EVC2: variants seen among roughly 807,000 people sequenced by gnomAD.
EVC2 encodes EvC ciliary complex subunit 2.
EVC2 carries 148 observed loss-of-function variants against 149.3 expected under a neutral mutation model. The observed-to-expected ratio is 0.99, with a 90% CI of 0.87 to 1.14. The LOEUF is 1.14. EVC2 is among the 50% of genes most tolerant of loss of function. The probability of loss-of-function intolerance (pLI) is 0.00; values close to 1 mark genes in which losing one functional copy is unlikely to be tolerated. For missense variants in EVC2, 1,854 were observed against 1,627.3 expected, an observed-to-expected ratio of 1.14 and a Z score of -2.40; for synonymous variants, 776 against 649.9, an observed-to-expected ratio of 1.19 and a Z score of -2.95.
At chr4:5,653,063 G>T (rs1175594258) in intron 9 of EVC2, among the ~76,000 whole-genome samples, 1 of 152,174 alleles carries the variant, frequency 6.6e-6, no homozygotes, top group Non-Finnish European at 1.5e-5. Context: ...GTGTTCCTTA[G>T]CTTGCAGCTG....
At chr4:5,647,358 T>C (rs1230351888) in intron 9 of EVC2, among the ~76,000 whole-genome samples, 3 of 152,222 alleles carry the variant, frequency 2.0e-5, no homozygotes, top group African/African-American at 7.2e-5. Context: ...TAGGTTTTGA[T>C]CAACTGCGGT....
In EVC2 at chr4:5,708,266, T is replaced by G. The variant is rs1357827173; in HGVS notation, c.228+20A>C. The G allele has an allele frequency of 6.8e-7, 1 of 1,473,130 alleles. No homozygotes were observed. Among genetic ancestry groups the G allele is most frequent in the Admixed American group, 2.4e-5 (1 of 41,824 alleles). 91.3% of individuals were successfully genotyped at this position (1,473,130 alleles called of 1,614,324 possible). A position where few individuals can be genotyped will look rare whatever the true frequency, so the allele number is the denominator to read the frequency against. On this transcript the variant is annotated intron_variant, in intron 1 of 21. Transcript: ENST00000344408. ...AAACCACTACAGTCAGACCGGAGCCTGGGGTCGGGCCCTCCTTACCTGCGT... is the reference window on the plus strand; with the variant it reads ...AAACCACTACAGTCAGACCGGAGCCGGGGGTCGGGCCCTCCTTACCTGCGT...
At chr4:5,562,070 C>G (rs78388272), downstream of EVC2, among the ~76,000 whole-genome samples, 512 of 152,166 alleles carry the variant, frequency 3.4e-3, 6 homozygotes, top group African/African-American at 0.012. This position sits in a 1 kb window ranked among gnomAD's most constrained non-coding sequence, Gnocchi z 4.3. Context: ...AAAACACAAG[C>G]ACTTGTATGG....
chr4:5,629,024 C>T (rs1716337551), intron 11 of EVC2, among the ~76,000 whole-genome samples: 1 of 152,146 alleles, frequency 6.6e-6, no homozygotes. Context: ...GCCATTTATC[C>T]TTCATCCATG....
chr4:5,643,448 G>A (rs572237701), intron 9 of EVC2, among the ~76,000 whole-genome samples: 6 of 152,118 alleles, frequency 3.9e-5, no homozygotes, highest in African/African-American at 1.2e-4. Flanking sequence ...ACCTCTAACC[G>A]CATCTTTGGG....
rs148520449 is a variant in EVC2 at position 5,685,593 on chromosome 4, C to T, written c.707-114G>A. 3.1e-4 allele frequency: 252 copies of T among 821,050 alleles called. 1 individual carries two copies. The East Asian group carries it at 4.1e-3, about 13-fold the overall frequency. The allele number at this position is 821,050 out of a possible 1,614,324, so 50.9% of individuals were successfully genotyped here. ...TGGCTTCAGTGGTTCCAAGGGAGGC[C>T]ACCATGGCAGTGATGCCTGCAGCAA... is the stretch of plus-strand genomic sequence containing the variant. On this transcript the variant is annotated intron_variant, in intron 5 of 21. Coordinates refer to ENST00000344408, the MANE Select transcript of EVC2 (RefSeq NM_147127.5).
intron 16 of EVC2, among the ~76,000 whole-genome samples, chr4:5,601,602 A>C (rs147011759): frequency 1.1e-3 from 173 of 152,246 alleles, no homozygotes; most frequent in African/African-American, 3.9e-3. Context: ...TAGGAGATGT[A>C]ATCATTAATA....
Position 5,567,861 on chromosome 4 carries a change from A to C in EVC2, c.3557+583T>G, listed in dbSNP as rs1217220749. ...ACATTGAAAGAATAAAATTTAAATGAATAACACTAGCAGGAAATAGAATCT... is the reference window on the plus strand; with the variant it reads ...ACATTGAAAGAATAAAATTTAAATGCATAACACTAGCAGGAAATAGAATCT... On this transcript the variant is annotated intron_variant, in intron 20 of 21. Transcript: ENST00000344408. The surrounding 1 kb of genome is among the most constrained non-coding windows in gnomAD (Gnocchi z 4.4). 6.6e-6 allele frequency among the ~76,000 whole-genome samples: 1 copy of C among 152,212 alleles called. No individual in the cohort carries two copies. The highest frequency in any genetic ancestry group is 1.5e-5 in the Non-Finnish European group (1 of 68,042).
chr4:5,664,891 T>C (rs1260468674), intron 8 of EVC2, among the ~76,000 whole-genome samples: 1 of 151,222 alleles, frequency 6.6e-6, no homozygotes, highest in Non-Finnish European at 1.5e-5. Flanking sequence ...GTGTGGGTGA[T>C]GGGGTACGTG....
In EVC2 at chr4:5,548,079, G is replaced by A. The variant is rs78578564; in HGVS notation, c.3420-4867C>T. 1.3e-4 allele frequency among the ~76,000 whole-genome samples: 20 copies of A among 152,196 alleles called. No individual in the cohort carries two copies. In the East Asian group the frequency reaches 3.7e-3, roughly 28 times the overall value. The stretch of plus-strand genomic sequence containing the variant: ...ATTGCAGCAGCTGGTGTGCCTGACT[G>A]TGCACGGTGGCTGGACCCCTCGCTG... On this transcript the variant is annotated intron_variant and NMD_transcript_variant, in intron 21 of 22. Coordinates refer to the EVC2 transcript ENST00000475313.
intron 7 of EVC2, among the ~76,000 whole-genome samples, chr4:5,674,977 C>T (rs1004998963): frequency 6.6e-6 from 1 of 152,146 alleles, no homozygotes; most frequent in Non-Finnish European, 1.5e-5. Context: ...GTACAAGCCC[C>T]CAGGCATACA....
At chr4:5,630,107 T>C (rs1716420637) in intron 11 of EVC2, among the ~76,000 whole-genome samples, 1 of 152,230 alleles carries the variant, frequency 6.6e-6, no homozygotes, top group Admixed American at 6.5e-5. Flanking sequence ...TGACAGAATT[T>C]GTGCTTTATG....
chr4:5,622,981 T>G lies in EVC2; in HGVS notation c.2057A>C (p.Gln686Pro). 2.5e-6 allele frequency: 4 copies of G among 1,614,030 alleles called. No individual in the cohort carries two copies. Among genetic ancestry groups the G allele is most frequent in the Non-Finnish European group, 3.4e-6 (4 of 1,179,986 alleles). ...GCCGACGGACGCCTGCTCCCTACGC[T>G]GCTCCCTGTGCTGGAGTTTCAGAAA... Reference protein sequence around the residue: ...RRELLQKHREQRREQASVGEA... With the variant: ...RRELLQKHREPRREQASVGEA... The change falls in exon 14 of 22, where the codon CAG (glutamine) becomes CCG (proline). Residue 686 changes from glutamine (Q) to proline (P), a missense_variant. Coordinates refer to ENST00000344408, the MANE Select transcript of EVC2 (RefSeq NM_147127.5). The surrounding 1 kb of genome is among the most constrained non-coding windows in gnomAD (Gnocchi z 5.8).
intron 9 of EVC2, among the ~76,000 whole-genome samples, chr4:5,653,700 A>T (rs1718302314): frequency 6.6e-6 from 1 of 152,230 alleles, no homozygotes; most frequent in Admixed American, 6.5e-5. Context: ...CTAATATAAG[A>T]CATGAGTACT....
rs758545762 is a variant in EVC2 at position 5,685,470 on chromosome 4, G to A, written c.716C>T (p.Ala239Val). 7 of 1,614,026 alleles carry A rather than the reference G, an allele frequency of 4.3e-6. No homozygotes were observed. The highest frequency in any genetic ancestry group is 5.9e-6 in the Non-Finnish European group (7 of 1,180,026). ...CGTGGCTGCGTAGCTGACAGCAAAG[G>A]CATCTCCCACTGCGCAGAGAAAAGC... ...FSKKFLQVGD[A>V]FAVSYAATLQ... Residue 239 changes from alanine (A) to valine (V), a missense_variant, in exon 6 of 22, where the codon GCC (alanine) becomes GTC (valine). Physicochemically the swap from Ala to Val is moderately conservative, Grantham distance 64 (BLOSUM62 0). Transcript: ENST00000344408.
At chr4:5,648,774 TATAG>T (rs1479763255) in intron 9 of EVC2, among the ~76,000 whole-genome samples, 1 of 152,158 alleles carries the variant, frequency 6.6e-6, no homozygotes, top group East Asian at 1.9e-4. Context: ...TGTTAATCAC[TATAG>T]ATAATCTGTC....
At chr4:5,626,331 G>GTTTTT (rs34539817) in intron 12 of EVC2, among the ~76,000 whole-genome samples, 4 of 124,658 alleles carry the variant, frequency 3.2e-5, no homozygotes, top group African/African-American at 1.2e-4. Flanking sequence ...CGTTCTTCTT[G>GTTTTT]TTTTTTTTTT....
chr4:5,665,439 T>G, intron 8 of EVC2, 76 bp downstream of exon 8: 43 of 1,605,990 alleles, frequency 2.7e-5, no homozygotes, highest in Non-Finnish European at 3.4e-5. Context: ...GATCCAGGGC[T>G]GAGACCCACA....
chr4:5,590,569 T>C (rs1233136511), intron 16 of EVC2, among the ~76,000 whole-genome samples: 1 of 152,156 alleles, frequency 6.6e-6, no homozygotes, highest in East Asian at 1.9e-4. Flanking sequence ...GCCCCTCCTT[T>C]TTGCTGTTTT....
Sources: gnomAD v4.1 joint callset for allele counts (sites outside exome capture counted in the v4.1 genomes callset) on GRCh38, gnomAD v4.1.1 for gene constraint, Gnocchi (gnomAD v3.1) non-coding constraint, MANE v1.5 for transcripts, NCBI Gene and HGNC (gene_info 2026-07-23, HGNC 2026-07-21) for gene names.